Variants in MBD5 observed in about 807,000 individuals in gnomAD.
The protein encoded by MBD5 is methyl-CpG binding domain protein 5, also known as methyl-CpG-binding domain protein 5.
MBD5 carries 13 observed loss-of-function variants against 117.3 expected under a neutral mutation model. The observed-to-expected ratio is 0.11, with a 90% CI of 0.07 to 0.18. The LOEUF is 0.18. Among genes scored for constraint, MBD5 ranks in the 10% least tolerant of loss-of-function variants. The probability of loss-of-function intolerance (pLI) is 1.00; values close to 1 mark genes in which losing one functional copy is unlikely to be tolerated. For missense variants in MBD5, 1,879 were observed against 2,093.8 expected, an observed-to-expected ratio of 0.90 and a Z score of 2.00; for synonymous variants, 727 against 766.4, an observed-to-expected ratio of 0.95 and a Z score of 0.85.
intron 3 of MBD5, among the ~76,000 whole-genome samples, chr2:148,272,208 A>G (rs1701002517): frequency 6.6e-6 from 1 of 152,150 alleles, no homozygotes; most frequent in Admixed American, 6.6e-5. Flanking sequence ...ACTGAGGTTG[A>G]TTCCATATCT....
At chr2:148,293,396 G>A (rs1409942508) in intron 3 of MBD5, among the ~76,000 whole-genome samples, 1 of 151,976 alleles carries the variant, frequency 6.6e-6, no homozygotes, top group Non-Finnish European at 1.5e-5. Flanking sequence ...AGAATGTAAT[G>A]GTTTATATCT....
At chr2:148,411,321 T>C (rs537320226) in intron 4 of MBD5, among the ~76,000 whole-genome samples, 6 of 152,256 alleles carry the variant, frequency 3.9e-5, no homozygotes, top group Admixed American at 3.3e-4. Flanking sequence ...CGTCCGTGTG[T>C]CTTTATGATA....
chr2:148,215,662 C>G (rs1298636903), intron 2 of MBD5, among the ~76,000 whole-genome samples: 1 of 150,890 alleles, frequency 6.6e-6, no homozygotes, highest in Non-Finnish European at 1.5e-5. Flanking sequence ...GCTAGGAATG[C>G]AGGTGTGCAG....
chr2:148,446,485 C>G (rs1010302529), intron 4 of MBD5, among the ~76,000 whole-genome samples: 3 of 151,976 alleles, frequency 2.0e-5, no homozygotes, highest in Non-Finnish European at 4.4e-5. Flanking sequence ...TAACTGTGGT[C>G]CAGGATAGCT....
chr2:148,345,535 A>G (rs574777891), intron 4 of MBD5, among the ~76,000 whole-genome samples: 9 of 96,886 alleles, frequency 9.3e-5, no homozygotes, highest in Admixed American at 7.5e-4. Flanking sequence ...ACATATGTAT[A>G]TACACATATA....
intron 2 of MBD5, among the ~76,000 whole-genome samples, chr2:148,227,322 T>C (rs535259069): frequency 2.0e-4 from 30 of 152,350 alleles, no homozygotes; most frequent in African/African-American, 6.0e-4. Flanking sequence ...AGTTTCAGCT[T>C]TCTACATATG....
intron 1 of MBD5, among the ~76,000 whole-genome samples, chr2:148,150,857 G>T (rs373349270): frequency 1.3e-5 from 2 of 152,020 alleles, no homozygotes; most frequent in South Asian, 2.1e-4. Flanking sequence ...ACAATGGGGT[G>T]TTCTAGATAT....
intron 4 of MBD5, among the ~76,000 whole-genome samples, chr2:148,351,243 T>C (rs1703243021): frequency 6.6e-6 from 1 of 152,018 alleles, no homozygotes; most frequent in Non-Finnish European, 1.5e-5. Flanking sequence ...AAAGAAATCC[T>C]ATAAACACTG....
At chr2:148,204,290 T>C (rs1276493893) in intron 2 of MBD5, among the ~76,000 whole-genome samples, 1 of 151,720 alleles carries the variant, frequency 6.6e-6, no homozygotes, top group African/African-American at 2.4e-5. Flanking sequence ...AGGAATATTG[T>C]GGATTAAAAT....
intron 1 of MBD5, among the ~76,000 whole-genome samples, chr2:148,110,302 C>G (rs1253773056): frequency 1.3e-5 from 2 of 152,120 alleles, no homozygotes; most frequent in Non-Finnish European, 2.9e-5. Flanking sequence ...CTTGATTTGT[C>G]TAAATCTTTT....
rs34659671 is a variant in MBD5, at chr2:148,224,509, ATTTTTTTTTTTTTTT to A, written c.-830-8719_-830-8705del. Among the ~76,000 whole-genome samples, 4 of 58,182 alleles carry A rather than the reference ATTTTTTTTTTTTTTT, an allele frequency of 6.9e-5. No homozygotes were observed. The East Asian group carries it at 2.5e-3, about 36-fold the overall frequency. 38.2% of individuals were successfully genotyped at this position (58,182 alleles called of 152,430 possible). On this transcript the variant is annotated intron_variant, in intron 2 of 13. Transcript: ENST00000642680. ...GGGTGCACGTTGCCACGCCTGGCTA[ATTTTTTTTTTTTTTT>A]TTTTTTTTTTTTTTTTAGTAGAGAC...
intron 1 of MBD5, among the ~76,000 whole-genome samples, chr2:148,151,490 T>A (rs1307213276): frequency 6.6e-6 from 1 of 152,232 alleles, no homozygotes; most frequent in Non-Finnish European, 1.5e-5. Context: ...TCTTTTTCTA[T>A]TGATTGGAAT....
chr2:148,431,448 G>A (rs1372310967), intron 4 of MBD5, among the ~76,000 whole-genome samples: 1 of 151,966 alleles, frequency 6.6e-6, no homozygotes, highest in Non-Finnish European at 1.5e-5. Flanking sequence ...CAGGTAAACT[G>A]CATGTCACAG....
chr2:148,345,215 T>C (rs560524357), intron 4 of MBD5, among the ~76,000 whole-genome samples: 2 of 113,154 alleles, frequency 1.8e-5, no homozygotes, highest in African/African-American at 6.9e-5. Flanking sequence ...TATATGTATA[T>C]ATACACACAC....
intron 8 of MBD5, chr2:148,472,277 T>G (rs571846843): frequency 2.0e-5 from 3 of 152,166 alleles, no homozygotes; most frequent in East Asian, 1.9e-4. Context: ...GGTTAAAAAT[T>G]TATTAGTGTC....
intron 1 of MBD5, among the ~76,000 whole-genome samples, chr2:148,029,809 T>G (rs1445484773): frequency 6.6e-6 from 1 of 152,212 alleles, no homozygotes; most frequent in Non-Finnish European, 1.5e-5. Context: ...AATCTACACA[T>G]TCTTTATGTA....
chr2:148,449,837 A>G (rs1359739805), intron 4 of MBD5, among the ~76,000 whole-genome samples: 1 of 152,060 alleles, frequency 6.6e-6, no homozygotes, highest in East Asian at 1.9e-4. Context: ...TCTTCTACAG[A>G]TATAACACTT....
At chr2:148,446,837 GA>G (rs137953203) in intron 4 of MBD5, among the ~76,000 whole-genome samples, 1,728 of 152,092 alleles carry the variant, frequency 0.011, 44 homozygotes, top group African/African-American at 0.04. Context: ...TGATGACTAG[GA>G]GAAAGTAAAC....
chr2:148,102,743 GAGAGAGAGAGAGAGAGAGGA>G (rs755739203), intron 1 of MBD5, among the ~76,000 whole-genome samples: 4 of 119,844 alleles, frequency 3.3e-5, no homozygotes, highest in Admixed American at 1.8e-4. Context: ...GAGAGAGAGA[GAGAGAGAGAGAGAGAGAGGA>G]AGAGAGAGAG....
Sources: allele counts gnomAD v4.1 joint callset (sites outside exome capture counted in the v4.1 genomes callset), GRCh38; gene constraint gnomAD v4.1.1; transcripts MANE v1.5; gene names NCBI Gene and HGNC (gene_info 2026-07-23, HGNC 2026-07-21).